The following NRAP variants were observed in gnomAD, a reference collection of about 807,000 sequenced individuals.
NRAP encodes the protein nebulin-related-anchoring protein.
Under a neutral mutation model 225.9 loss-of-function variants are expected in NRAP, and 189 were observed. The observed-to-expected ratio is 0.84, with a 90% CI of 0.74 to 0.94. The LOEUF is 0.94. NRAP is among the 40% of genes least tolerant of loss of function. The pLI, the probability that NRAP is intolerant of heterozygous loss-of-function variation, is 0.00. For missense variants in NRAP, 2,176 were observed against 2,168.7 expected (o/e 1.00, Z -0.07); for synonymous variants, 769 against 790.7 (o/e 0.97, Z 0.46).
chr10:113,591,022 A>G lies in NRAP; in HGVS notation c.4645-133T>C, dbSNP rs147414493. The stretch of plus-strand genomic sequence containing the variant: ...GTTAGAGGCACAGGCTTTGGATTCA[A>G]ATAGACCTATCTGTGTGGTCATGGG... On this transcript the variant is annotated intron_variant, in intron 39 of 41. Transcript: ENST00000359988. The G allele has an allele frequency of 2.0e-3, 1,407 of 690,308 alleles. 14 individuals carry two copies. The highest frequency in any genetic ancestry group is 2.5e-4 in the Non-Finnish European group (102 of 411,222). The allele number at this position is 690,308 out of a possible 1,614,324, so 42.8% of individuals were successfully genotyped here. A position where few individuals can be genotyped will look rare whatever the true frequency, so the allele number is the denominator to read the frequency against.
intron 35 of NRAP, among the ~76,000 whole-genome samples, chr10:113,598,864 A>C (rs1846438604): frequency 6.6e-6 from 1 of 152,218 alleles, no homozygotes; most frequent in Non-Finnish European, 1.5e-5. Context: ...TCAGAAGTTT[A>C]GGCTATGGCA....
intron 20 of NRAP, among the ~76,000 whole-genome samples, chr10:113,627,710 T>C (rs1316971970): frequency 1.3e-5 from 2 of 152,226 alleles, no homozygotes; most frequent in East Asian, 3.8e-4. Context: ...TACTGTCTCA[T>C]GGTCAAGAGC....
rs1457171011 is a variant in NRAP, at chr10:113,610,373, AG to A, written c.3603+85del. On this transcript the variant is annotated intron_variant, in intron 31 of 41. Transcript: ENST00000359988. ...TCAAATTAAAAAAAAAAAAAAAAAAAGGAAGAAAGAAAAAGGAAAGAAACAA... is the reference window on the plus strand; with the variant it reads ...TCAAATTAAAAAAAAAAAAAAAAAAAGAAGAAAGAAAAAGGAAAGAAACAA... 382 of 648,824 alleles carry A rather than the reference AG, an allele frequency of 5.9e-4. 2 individuals are homozygous for A. In the South Asian group the frequency reaches 7.1e-3, roughly 12 times the overall value. 40.2% of individuals were successfully genotyped at this position (648,824 alleles called of 1,614,324 possible).
rs749033635 is a variant in NRAP, at chr10:113,590,732, T to G, written c.4802A>C (p.His1601Pro). ...GAGGCCGGGCTGGTCTGTGCTGCTG[T>G]GAAACTGGGACCGACTCTTGGCAAA... ...KDFAKSRSQF[H>P]SSTDQPGLLQ... Residue 1601 changes from histidine (H) to proline (P), a missense_variant, in exon 40 of 42, where the codon CAC becomes CCC. This residue lies in a region of NRAP where 445 missense variants were observed against 426.1 expected (regional missense o/e 1.04). Transcript: ENST00000359988. 1.9e-5 allele frequency: 30 copies of G among 1,614,098 alleles called. No individual in the cohort carries two copies. Among genetic ancestry groups the G allele is most frequent in the African/African-American group, 2.7e-5 (2 of 74,932 alleles).
chr10:113,607,295 A>G (rs1847033775), intron 32 of NRAP, among the ~76,000 whole-genome samples: 1 of 150,596 alleles, frequency 6.6e-6, no homozygotes, highest in Admixed American at 6.6e-5. Flanking sequence ...CCAGGTACTC[A>G]GGAGGCTGAG....
intron 25 of NRAP, among the ~76,000 whole-genome samples, chr10:113,619,556 T>G (rs1034046398): frequency 2.6e-5 from 4 of 151,398 alleles, no homozygotes; most frequent in Non-Finnish European, 5.9e-5. Flanking sequence ...TGGACAGGTG[T>G]GTTTGAAAAA....
intron 23 of NRAP, 122 bp from the exon 24 acceptor site, chr10:113,622,302 A>T: frequency 3.0e-6 from 2 of 674,984 alleles, no homozygotes; most frequent in East Asian, 2.7e-5. Context: ...AATTAGAATC[A>T]TATGAAAGTT....
In NRAP at chr10:113,604,867, C is replaced by T. The variant is rs757814421; in HGVS notation, c.3969G>A (p.Gln1323=). 5.0e-6 allele frequency: 8 copies of T among 1,614,162 alleles called. No homozygotes were observed. The South Asian group carries it at 7.7e-5, about 16-fold the overall frequency. Residue 1323 remains glutamine (Q), a synonymous_variant, in exon 35 of 42, where the codon CAG becomes CAA. Transcript: ENST00000359988. ...VKERGKLIGP[Q]SVRDDPRIQH... ...GGATCCGGGGGTCGTCTCTTACACT[C>T]TGGGGCCCTATGAGTTTCCCTCGCT...
intron 25 of NRAP, among the ~76,000 whole-genome samples, chr10:113,618,659 G>A (rs1592777090): frequency 6.6e-6 from 1 of 152,344 alleles, no homozygotes; most frequent in South Asian, 2.1e-4. Context: ...TTAAGAAGGT[G>A]GCCCAGGCCG....
chr10:113,647,594 C>CTGGTGG lies in NRAP; in HGVS notation c.889-568_889-567insCCACCA, dbSNP rs1849621895. On this transcript the variant is annotated intron_variant, in intron 9 of 41. Coordinates refer to ENST00000359988, the MANE Select transcript of NRAP (RefSeq NM_198060.4). ...GCCTCCCCTGGTGGTACTTCCTCCC[C>CTGGTGG]TAGTGGTACTGTCTCCCCCGGTGGT... Among the ~76,000 whole-genome samples the CTGGTGG allele has an allele frequency of 4.0e-4, 56 of 138,914 alleles. 8 individuals are homozygous for CTGGTGG. The highest frequency in any genetic ancestry group is 1.3e-3 in the African/African-American group (48 of 38,206). 91.1% of individuals were successfully genotyped at this position (138,914 alleles called of 152,430 possible).
At chr10:113,597,822 G>A (rs1243378307) in intron 36 of NRAP, 147 bp downstream of exon 36, 2 of 664,006 alleles carry the variant, frequency 3.0e-6, no homozygotes, top group Non-Finnish European at 2.8e-6. Flanking sequence ...TCTGTCTTGG[G>A]ATTTGGTTGC....
At chr10:113,589,891 T>A (rs1274862216) in intron 40 of NRAP, 94 bp from the exon 41 acceptor site, 2 of 1,370,956 alleles carry the variant, frequency 1.5e-6, no homozygotes, top group African/African-American at 1.4e-5. Context: ...AGCCACAGTA[T>A]GAGACTATGT....
chr10:113,589,552 ACTT>A (rs1217922644), intron 41 of NRAP, 111 bp downstream of exon 41: 2 of 1,300,082 alleles, frequency 1.5e-6, no homozygotes, highest in Non-Finnish European at 2.1e-6. Context: ...TGCGTTTCAC[ACTT>A]CTTTAGAGCT....
chr10:113,596,696 C>T (rs1237193059), intron 37 of NRAP, among the ~76,000 whole-genome samples: 1 of 152,150 alleles, frequency 6.6e-6, no homozygotes, highest in African/African-American at 2.4e-5. Flanking sequence ...ATCAATAATA[C>T]TTGGTATTCT....
At chr10:113,620,200 C>T (rs1326271200) in intron 25 of NRAP, among the ~76,000 whole-genome samples, 1 of 152,136 alleles carries the variant, frequency 6.6e-6, no homozygotes, top group Middle Eastern at 3.4e-3. Context: ...GTGGCCACCA[C>T]GTGAATATTC....
Position 113,631,599 on chromosome 10 carries a change from T to C in NRAP, c.1752A>G (p.Lys584=), listed in dbSNP as rs745537610. ...SGELASNIKY[K]EEYEKTKGKA... is the part of the protein sequence containing the mutation. ...TGCCTTTTGTCTTTTCATATTCTTCTTTATATTTAATCTTGAGAGAAAGAA... is the reference window on the plus strand; with the variant it reads ...TGCCTTTTGTCTTTTCATATTCTTCCTTATATTTAATCTTGAGAGAAAGAA... The change falls in exon 18 of 42, where the codon AAA becomes AAG. Residue 584 remains lysine (K), a synonymous_variant. Coordinates refer to ENST00000359988, the MANE Select transcript of NRAP (RefSeq NM_198060.4). The C allele has an allele frequency of 1.2e-6, 2 of 1,604,502 alleles. No homozygotes were observed. The highest frequency in any genetic ancestry group is 3.3e-5 in the Admixed American group (2 of 59,914).
intron 28 of NRAP, 49 bp downstream of exon 28, chr10:113,614,790 A>G: frequency 8.8e-7 from 1 of 1,132,552 alleles, no homozygotes; most frequent in Non-Finnish European, 1.4e-6. Context: ...AAAGGAGTGA[A>G]AACGGGTTAG....
rs1053800659 is a variant in NRAP, at chr10:113,650,279, C to T, written c.784-138G>A. On this transcript the variant is annotated intron_variant, in intron 8 of 41. Coordinates refer to ENST00000359988, the MANE Select transcript of NRAP (RefSeq NM_198060.4). ...TAGGTATGTCTCAGACATAAAAGTGCCAGGTCATTGTCATTGGTAAAATTG... is the reference window on the plus strand; with the variant it reads ...TAGGTATGTCTCAGACATAAAAGTGTCAGGTCATTGTCATTGGTAAAATTG... The T allele has an allele frequency of 6.3e-5, 48 of 767,392 alleles. No homozygotes were observed. In the Middle Eastern group the frequency reaches 1.1e-3, roughly 17 times the overall value. The allele number at this position is 767,392 out of a possible 1,614,324, so 47.5% of individuals were successfully genotyped here. A position where few individuals can be genotyped will look rare whatever the true frequency, so the allele number is the denominator to read the frequency against.
chr10:113,628,423 C>T (rs1303759878), intron 20 of NRAP, among the ~76,000 whole-genome samples: 6 of 152,100 alleles, frequency 3.9e-5, no homozygotes, highest in Non-Finnish European at 5.9e-5. Context: ...CTCCTGACCT[C>T]GTGATCTGCC....
Sources: gnomAD v4.1 joint callset for allele counts (sites outside exome capture counted in the v4.1 genomes callset) on GRCh38, gnomAD v4.1.1 for gene constraint, gnomAD v4.1.1 regional missense constraint, MANE v1.5 for transcripts, NCBI Gene and HGNC (gene_info 2026-07-23, HGNC 2026-07-21) for gene names.